The following DGKG variants were observed in gnomAD, a reference collection of about 807,000 sequenced individuals.
DGKG encodes diacylglycerol kinase gamma.
Under a neutral mutation model 105.3 loss-of-function variants are expected in DGKG, and 78 were observed. The observed-to-expected ratio is 0.74, with a 90% confidence interval of 0.62 to 0.89. The LOEUF is 0.89. Ranked by LOEUF, DGKG falls within the 40% of genes least tolerant of loss-of-function variation. The pLI is 0.00. For missense variants in DGKG, 958 were observed against 1,020.1 expected (o/e 0.94, Z 0.83); for synonymous variants, 346 against 367.1 (o/e 0.94, Z 0.66).
chr3:186,272,509 A>G (rs1303822234), intron 10 of DGKG, among the ~76,000 whole-genome samples, 166 bp from the exon 11 acceptor site: 1 of 152,080 alleles, frequency 6.6e-6, no homozygotes, highest in Non-Finnish European at 1.5e-5. Flanking sequence ...ACAGTCTCTA[A>G]TTGTTCTTGG....
intron 3 of DGKG, among the ~76,000 whole-genome samples, chr3:186,303,763 T>C (rs557862880): frequency 1.3e-5 from 2 of 152,302 alleles, no homozygotes; most frequent in East Asian, 1.9e-4. Context: ...TTGGTACTGA[T>C]GGGCAAGCGC....
chr3:186,213,718 G>C (rs930840853), intron 20 of DGKG, among the ~76,000 whole-genome samples: 4 of 152,134 alleles, frequency 2.6e-5, no homozygotes, highest in African/African-American at 4.8e-5. Flanking sequence ...TTCTATGAGA[G>C]AGTTGTGGAA....
chr3:186,165,724 A>C (rs1039183125), intron 22 of DGKG, among the ~76,000 whole-genome samples: 2 of 152,238 alleles, frequency 1.3e-5, no homozygotes, highest in Non-Finnish European at 2.9e-5. Flanking sequence ...TCTCATTCAC[A>C]ACCTAGATGA....
At chr3:186,160,515 A>T in intron 24 of DGKG, 1 of 985,288 alleles carries the variant, frequency 1.0e-6, no homozygotes, top group Non-Finnish European at 1.2e-6. Context: ...TTGAGGTAAG[A>T]TTTTTGCAGA....
chr3:186,244,407 GTT>G (rs10701431), intron 19 of DGKG, among the ~76,000 whole-genome samples: 3 of 138,238 alleles, frequency 2.2e-5, no homozygotes. Flanking sequence ...AGCTATTGAT[GTT>G]TTTTTTTTTT....
At chr3:186,249,680 A>G (rs1045247196) in intron 19 of DGKG, among the ~76,000 whole-genome samples, 15 of 152,126 alleles carry the variant, frequency 9.9e-5, no homozygotes, top group African/African-American at 3.6e-4. Context: ...CATCTCTACT[A>G]AAAATACAAA....
At chr3:186,242,943 T>C (rs1228826278) in intron 19 of DGKG, among the ~76,000 whole-genome samples, 3 of 152,156 alleles carry the variant, frequency 2.0e-5, no homozygotes, top group African/African-American at 7.2e-5. Flanking sequence ...GGGCTGAGCA[T>C]GAGTCTCTGG....
At chr3:186,322,809 C>G (rs773583700) in intron 1 of DGKG, among the ~76,000 whole-genome samples, 24 of 152,290 alleles carry the variant, frequency 1.6e-4, no homozygotes, top group Non-Finnish European at 3.1e-4. Context: ...GTGTCCCAAA[C>G]CACCCCTGAT....
intron 10 of DGKG, among the ~76,000 whole-genome samples, chr3:186,274,332 C>T (rs952750858): frequency 2.0e-4 from 31 of 151,986 alleles, no homozygotes; most frequent in Non-Finnish European, 3.8e-4. Flanking sequence ...GGATTACAGG[C>T]GCATGCCACC....
At chr3:186,234,896 A>G (rs936297812) in intron 20 of DGKG, among the ~76,000 whole-genome samples, 4 of 152,216 alleles carry the variant, frequency 2.6e-5, no homozygotes, top group Non-Finnish European at 5.9e-5. Context: ...CAGACTCCCA[A>G]AATCTTTGAT....
At chr3:186,225,830 C>T (rs917658750) in intron 20 of DGKG, among the ~76,000 whole-genome samples, 6 of 152,154 alleles carry the variant, frequency 3.9e-5, no homozygotes, top group Non-Finnish European at 7.3e-5. Context: ...AAAGTGTCTC[C>T]GCTACTTTCT....
At chr3:186,161,205 C>CGCTGTAT in intron 24 of DGKG, 2 of 990,884 alleles carry the variant, frequency 2.0e-6, no homozygotes, top group South Asian at 4.5e-5. Flanking sequence ...GATTTGGCTT[C>CGCTGTAT]CACGTAAGGA....
intron 5 of DGKG, among the ~76,000 whole-genome samples, chr3:186,293,020 A>T (rs1277523254): frequency 6.6e-6 from 1 of 152,078 alleles, no homozygotes; most frequent in Non-Finnish European, 1.5e-5. Context: ...GAGGGTCCAG[A>T]GGTTTTTCAC....
chr3:186,314,372 TG>T (rs1243045631), intron 2 of DGKG, among the ~76,000 whole-genome samples: 1 of 152,246 alleles, frequency 6.6e-6, no homozygotes, highest in Non-Finnish European at 1.5e-5. Context: ...TATATGACCT[TG>T]GGCAAGTCAC....
intron 22 of DGKG, among the ~76,000 whole-genome samples, chr3:186,183,644 G>A (rs16860532): frequency 0.16 from 24,458 of 151,848 alleles, 2,569 homozygotes; most frequent in African/African-American, 0.29. Flanking sequence ...AATGTGCTAC[G>A]ACAAAGGCTG....
chr3:186,359,435 A>G (rs538414987), intron 1 of DGKG, among the ~76,000 whole-genome samples: 1 of 152,316 alleles, frequency 6.6e-6, no homozygotes, highest in East Asian at 1.9e-4. Context: ...TTGCTACAAC[A>G]CTAATTCAGA....
At chr3:186,347,942 A>G (rs564387673) in intron 1 of DGKG, among the ~76,000 whole-genome samples, 1 of 152,310 alleles carries the variant, frequency 6.6e-6, no homozygotes, top group East Asian at 1.9e-4. Flanking sequence ...TTTTGAAGTT[A>G]AGCATGGTAT....
chr3:186,288,831 C>A lies in DGKG; in HGVS notation c.423G>T (p.Ala141=). The A allele has an allele frequency of 6.2e-7, 1 of 1,606,704 alleles. No homozygotes were observed. The highest frequency in any genetic ancestry group is 1.3e-5 in the African/African-American group (1 of 74,610). Residue 141 remains alanine, a synonymous_variant, in exon 6 of 25, where the codon GCG becomes GCT. Transcript: ENST00000265022. The stretch of plus-strand genomic sequence containing the variant: ...GAGGGACGGGGGGTTCCAGGGGGGT[C>A]GCAGCCACTTGGTCTTCAGCTGGTG... ...KQAPAEDQVA[A]TPLEPPVPRS...
At chr3:186,223,479 G>T (rs1052382945) in intron 20 of DGKG, among the ~76,000 whole-genome samples, 2 of 151,970 alleles carry the variant, frequency 1.3e-5, no homozygotes, top group Non-Finnish European at 2.9e-5. Context: ...ACGGTAAGTC[G>T]CTCCCTCCTT....
Sources: gnomAD v4.1 joint callset for allele counts (sites outside exome capture counted in the v4.1 genomes callset) on GRCh38, gnomAD v4.1.1 for gene constraint, MANE v1.5 for transcripts, NCBI Gene and HGNC (gene_info 2026-07-23, HGNC 2026-07-21) for gene names.